IKBKG: variants seen among roughly 807,000 people sequenced by gnomAD.
IKBKG encodes the protein inhibitor of nuclear factor kappa B kinase regulatory subunit gamma, also known as NF-kappa-B essential modulator.
IKBKG carries 2 observed loss-of-function variants against 13.7 expected under a neutral mutation model. The observed-to-expected ratio is 0.15, with a 90% CI of 0.06 to 0.46. The LOEUF (loss-of-function observed/expected upper bound fraction) is 0.46. Ranked by LOEUF, IKBKG falls within the 20% of genes least tolerant of loss-of-function variation. IKBKG has a pLI of 0.98. For synonymous variants in IKBKG, 22 were observed against 64.4 expected (o/e 0.34, Z 3.15); for missense variants, 53 against 150.3 (o/e 0.35, Z 3.39).
intron 2 of IKBKG, among the ~76,000 whole-genome samples, chrX:154,555,369 C>T (rs1044938961): frequency 1.2e-4 from 13 of 111,660 alleles, no homozygotes; most frequent in African/African-American, 4.2e-4. Context: ...GCAGGCACAC[C>T]TCAGACTGAC....
chrX:154,551,478 C>T (rs1557235011), intron 1 of IKBKG, among the ~76,000 whole-genome samples: 3 of 111,428 alleles, frequency 2.7e-5, no homozygotes, highest in South Asian at 7.5e-4. Flanking sequence ...CATAAAGACA[C>T]GTTGTTGGAT....
chrX:154,547,357 C>G (rs934789079), upstream of IKBKG: 84 of 754,414 alleles, frequency 1.1e-4, no homozygotes, highest in Non-Finnish European at 1.3e-4. Flanking sequence ...GATTCCTCCC[C>G]CGGAGAGGGC....
intron 2 of IKBKG, 52 bp downstream of exon 2, chrX:154,552,241 C>G: frequency 9.7e-7 from 1 of 1,031,410 alleles, no homozygotes; most frequent in Non-Finnish European, 1.3e-6. Context: ...GCGTCTTCTC[C>G]CCACCTGCAC....
At chrX:154,554,954 A>G (rs905258766) in intron 2 of IKBKG, among the ~76,000 whole-genome samples, 2 of 110,960 alleles carry the variant, frequency 1.8e-5, no homozygotes, top group African/African-American at 3.3e-5. Context: ...ATCACTTATC[A>G]GTTTTGTCAC....
At chrX:154,554,099 T>C (rs1418927063) in intron 2 of IKBKG, among the ~76,000 whole-genome samples, 3 of 112,950 alleles carry the variant, frequency 2.7e-5, no homozygotes, top group Non-Finnish European at 5.6e-5. Flanking sequence ...GGTAGCTCCA[T>C]GTGTCAGGCC....
At position 154,547,721 on chromosome X, in the gene IKBKG, C is replaced by T. The variant is rs968184978; in HGVS notation, c.-40C>T. ...CACAGTCCGCCGCTCCCACCCTTCT[C>T]ACGTCTGACGGACTCTGCTGACAGG... On this transcript the variant is annotated 5_prime_UTR_variant, in exon 1 of 10. Coordinates refer to ENST00000594239, the MANE Select transcript of IKBKG (RefSeq NM_001099857.5). 4.1e-5 allele frequency: 31 copies of T among 754,200 alleles called. No homozygotes were observed. The highest frequency in any genetic ancestry group is 4.8e-5 in the Non-Finnish European group (31 of 639,336). 62.2% of individuals were successfully genotyped at this position (754,200 alleles called of 1,213,427 possible). A position where few individuals can be genotyped will look rare whatever the true frequency, so the allele number is the denominator to read the frequency against.
At chrX:154,552,272 G>A (rs1327287877) in intron 2 of IKBKG, 83 bp downstream of exon 2, 1 of 821,847 alleles carries the variant, frequency 1.2e-6, no homozygotes, top group Non-Finnish European at 1.7e-6. Context: ...CCTGGGCCTG[G>A]GGTGGGGATG....
upstream of IKBKG, chrX:154,546,853 T>C: frequency 1.8e-6 from 2 of 1,124,454 alleles, no homozygotes; most frequent in Non-Finnish European, 2.3e-6. Context: ...TTCCGGGGGC[T>C]GAGCCCCGCC....
upstream of IKBKG, chrX:154,546,012 G>T: frequency 1.7e-6 from 2 of 1,209,106 alleles, no homozygotes; most frequent in South Asian, 3.5e-5. Context: ...TGGCTTTTAA[G>T]ATTGGGGCCT....
rs782030098 is a variant in IKBKG, at chrX:154,552,123, C to G, written c.121C>G (p.Leu41Val). The G allele has an allele frequency of 3.6e-5, 43 of 1,195,334 alleles. No individual in the cohort carries two copies. Among genetic ancestry groups the G allele is most frequent in the Middle Eastern group, 2.3e-4 (1 of 4,307 alleles). ...TCTGGGGAAGCCAGCCATGCTGCACCTGCCTTCAGAACAGGGCGCTCCTGA... is the reference window on the plus strand; with the variant it reads ...TCTGGGGAAGCCAGCCATGCTGCACGTGCCTTCAGAACAGGGCGCTCCTGA... ...SPLGKPAMLHLPSEQGAPETL... is the reference protein window; with the variant it reads ...SPLGKPAMLHVPSEQGAPETL... Residue 41 changes from leucine (L) to valine (V), a missense_variant, in exon 2 of 10, where the codon CTG becomes GTG. Physicochemically the swap from Leu to Val is conservative, Grantham distance 32. Transcript: ENST00000594239.
chrX:154,555,724 C>T (rs148118581), intron 2 of IKBKG, among the ~76,000 whole-genome samples: 2,212 of 111,384 alleles, frequency 0.02, 22 homozygotes, highest in Middle Eastern at 0.12. Context: ...GGATTACAGG[C>T]GTGTGCCACC....
At chrX:154,548,995 T>TTTC (rs1178164195) in intron 1 of IKBKG, among the ~76,000 whole-genome samples, 1 of 90,068 alleles carries the variant, frequency 1.1e-5, no homozygotes, top group African/African-American at 4.8e-5. Context: ...TCTTTCTTTC[T>TTTC]TTTTTTTTTT....
chrX:154,542,317 G>T (rs369777148), exon 2 of IKBKG: 1 of 1,182,335 alleles, frequency 8.5e-7, no homozygotes, highest in Non-Finnish European at 1.1e-6. Flanking sequence ...TGAGGACCCC[G>T]CAGACTATCA....
At chrX:154,545,046 A>C (rs1429104219), upstream of IKBKG, among the ~76,000 whole-genome samples, 2 of 111,797 alleles carry the variant, frequency 1.8e-5, no homozygotes, top group Non-Finnish European at 3.8e-5. Context: ...ACCACGTGTA[A>C]TTTGAGATGA....
upstream of IKBKG, among the ~76,000 whole-genome samples, chrX:154,544,265 G>A (rs782663362): frequency 3.6e-5 from 4 of 110,269 alleles, no homozygotes; most frequent in African/African-American, 9.9e-5. Flanking sequence ...TGATTCAAGC[G>A]ATTCTACTGC....
intron 2 of IKBKG, among the ~76,000 whole-genome samples, chrX:154,555,347 G>A (rs189071051): frequency 1.1e-3 from 122 of 111,671 alleles, no homozygotes; most frequent in African/African-American, 3.7e-3. Context: ...GACCAATACC[G>A]AGCATCTGAG....
At chrX:154,555,588 TC>T (rs1316020059) in intron 2 of IKBKG, among the ~76,000 whole-genome samples, 1 of 112,343 alleles carries the variant, frequency 8.9e-6, no homozygotes, top group Non-Finnish European at 1.9e-5. Flanking sequence ...ATACTTTTTT[TC>T]TTTTTTTTGA....
intron 2 of IKBKG, among the ~76,000 whole-genome samples, chrX:154,554,408 T>A (rs1456179021): frequency 2.7e-5 from 3 of 112,452 alleles, no homozygotes; most frequent in African/African-American, 9.7e-5. Flanking sequence ...CTGAATTAGT[T>A]AAAATAGTGA....
At chrX:154,546,923 C>T (rs1314895892), upstream of IKBKG, 27 of 645,600 alleles carry the variant, frequency 4.2e-5, no homozygotes, top group South Asian at 1.1e-3. Flanking sequence ...CCGCCTCAGG[C>T]GAGGCGTGCG....
Sources: gnomAD v4.1 joint callset for allele counts (sites outside exome capture counted in the v4.1 genomes callset) on GRCh38, gnomAD v4.1.1 for gene constraint, MANE v1.5 for transcripts, NCBI Gene and HGNC (gene_info 2026-07-23, HGNC 2026-07-21) for gene names.